Variants in CACNB4 observed in about 807,000 individuals in gnomAD.
CACNB4 encodes the protein voltage-dependent L-type calcium channel subunit beta-4.
In CACNB4, 32 loss-of-function variants were observed where a neutral mutation model predicts 71.2. The observed-to-expected ratio is 0.45, with a 90% CI of 0.34 to 0.60. The LOEUF is 0.60. Ranked by LOEUF, CACNB4 falls within the 20% of genes least tolerant of loss-of-function variation. The probability of loss-of-function intolerance (pLI) is 0.01; values close to 1 mark genes in which losing one functional copy is unlikely to be tolerated. For missense variants in CACNB4, 464 were observed against 647.9 expected (o/e 0.72, Z 3.08); for synonymous variants, 231 against 236.9 (o/e 0.97, Z 0.23).
At chr2:151,981,620 A>T (rs1452729846) in intron 2 of CACNB4, among the ~76,000 whole-genome samples, 5 of 152,108 alleles carry the variant, frequency 3.3e-5, no homozygotes, top group Admixed American at 3.3e-4. Flanking sequence ...TTGGAGAAAC[A>T]CTTATTTACC....
At chr2:152,062,980 G>A (rs888558679) in intron 2 of CACNB4, among the ~76,000 whole-genome samples, 1 of 152,186 alleles carries the variant, frequency 6.6e-6, no homozygotes, top group African/African-American at 2.4e-5. Context: ...CCACGCAGAG[G>A]AGGATCAGCA....
chr2:151,936,996 G>C (rs117642642), intron 2 of CACNB4, among the ~76,000 whole-genome samples: 1 of 152,156 alleles, frequency 6.6e-6, no homozygotes, highest in Non-Finnish European at 1.5e-5. Flanking sequence ...ATTTTTATGC[G>C]TCTCACTGAA....
chr2:151,877,691 C>A (rs1395184223), intron 4 of CACNB4, among the ~76,000 whole-genome samples: 1 of 152,178 alleles, frequency 6.6e-6, no homozygotes, highest in African/African-American at 2.4e-5. Context: ...AAGATGCCTA[C>A]ACTTACAAAG....
chr2:152,092,381 A>T (rs1402304397), intron 2 of CACNB4, among the ~76,000 whole-genome samples: 1 of 152,216 alleles, frequency 6.6e-6, no homozygotes, highest in African/African-American at 2.4e-5. Context: ...AACCCCAAGA[A>T]TTTGTTTGCC....
At chr2:152,006,126 C>T (rs188271553) in intron 2 of CACNB4, among the ~76,000 whole-genome samples, 61 of 152,314 alleles carry the variant, frequency 4.0e-4, no homozygotes, top group Admixed American at 1.0e-3. Context: ...CATATGCCCT[C>T]GACACCACTC....
chr2:151,870,795 A>G (rs1178248654), intron 7 of CACNB4, 47 bp downstream of exon 7: 3 of 1,499,068 alleles, frequency 2.0e-6, no homozygotes, highest in South Asian at 1.2e-5. Context: ...GCAGGCATGT[A>G]TATATAGGAA....
intron 2 of CACNB4, among the ~76,000 whole-genome samples, chr2:151,919,804 C>T (rs961401172): frequency 6.6e-6 from 1 of 152,134 alleles, no homozygotes; most frequent in Non-Finnish European, 1.5e-5. Flanking sequence ...CTGGATCCAC[C>T]TTAAAAGAGG....
intron 12 of CACNB4, among the ~76,000 whole-genome samples, chr2:151,844,856 AT>A (rs2099837123): frequency 6.6e-6 from 1 of 152,222 alleles, no homozygotes; most frequent in South Asian, 2.1e-4. Flanking sequence ...GGTTGTTTAT[AT>A]CATTTTATTT....
intron 2 of CACNB4, among the ~76,000 whole-genome samples, chr2:151,943,669 G>T (rs566831076): frequency 5.6e-4 from 86 of 152,308 alleles, no homozygotes; most frequent in African/African-American, 2.0e-3. Context: ...CCAGTTCTGG[G>T]TGCCTCATAT....
At chr2:152,065,919 A>T (rs536463899) in intron 2 of CACNB4, among the ~76,000 whole-genome samples, 1 of 152,272 alleles carries the variant, frequency 6.6e-6, no homozygotes, top group Non-Finnish European at 1.5e-5. Flanking sequence ...AGGGGGTATA[A>T]TATTTTTAAA....
In CACNB4 at chr2:151,836,126, A is replaced by C. The variant is rs781462518; in HGVS notation, c.*2993T>G. ...AGTGACATTATACCCTTGAGAATTA[A>C]CATCAGGATTGACAAATTGCATTCG... On this transcript the variant is annotated 3_prime_UTR_variant, in exon 14 of 14. Coordinates refer to ENST00000539935, the MANE Select transcript of CACNB4 (RefSeq NM_000726.5). The C allele has an allele frequency of 6.6e-6, 1 of 151,878 alleles. No homozygotes were observed. The highest frequency in any genetic ancestry group is 1.5e-5 in the Non-Finnish European group (1 of 67,750). 9.4% of individuals were successfully genotyped at this position (151,878 alleles called of 1,614,324 possible).
intron 2 of CACNB4, among the ~76,000 whole-genome samples, chr2:151,990,633 C>A (rs1434853982): frequency 6.6e-6 from 1 of 152,154 alleles, no homozygotes; most frequent in African/African-American, 2.4e-5. Context: ...TCTGCAAATT[C>A]TGGGATTAAT....
At position 151,839,370 on chromosome 2, in the gene CACNB4, T is replaced by C; in HGVS notation, c.1312A>G (p.Met438Val). The C allele has an allele frequency of 6.2e-7, 1 of 1,607,474 alleles. No homozygotes were observed. Among genetic ancestry groups the C allele is most frequent in the African/African-American group, 1.3e-5 (1 of 74,840 alleles). ...TAISGLQSQRMRHSNHSTENS... is the reference protein window; with the variant it reads ...TAISGLQSQRVRHSNHSTENS... The stretch of plus-strand genomic sequence containing the variant: ...TCTGTGGAGTGGTTGCTGTGCCTCA[T>C]TCGCTGACTCTAAAAATATCAGATA... The change falls in exon 14 of 14, where the codon ATG becomes GTG. Residue 438 changes from methionine (M) to valine (V), a missense_variant. Coordinates refer to ENST00000539935, the MANE Select transcript of CACNB4 (RefSeq NM_000726.5).
intron 2 of CACNB4, among the ~76,000 whole-genome samples, chr2:151,938,710 TCTC>T (rs1276376275): frequency 6.6e-6 from 1 of 152,192 alleles, no homozygotes; most frequent in African/African-American, 2.4e-5. Flanking sequence ...CTATTCTTCG[TCTC>T]CTCACCAACC....
intron 2 of CACNB4, among the ~76,000 whole-genome samples, chr2:152,083,349 GAA>G (rs1437976303): frequency 3.0e-3 from 298 of 99,728 alleles, no homozygotes; most frequent in African/African-American, 0.017. Context: ...AGGAAGGAAG[GAA>G]GGGAGGAAGG....
At chr2:151,902,488 A>G (rs116521692) in intron 2 of CACNB4, among the ~76,000 whole-genome samples, 2,736 of 152,218 alleles carry the variant, frequency 0.018, 75 homozygotes, top group African/African-American at 0.062. Context: ...TACCTAAACA[A>G]CTAAATGAAA....
At chr2:151,881,342 T>C (rs1362051892) in intron 3 of CACNB4, among the ~76,000 whole-genome samples, 1 of 152,110 alleles carries the variant, frequency 6.6e-6, no homozygotes, top group Non-Finnish European at 1.5e-5. Flanking sequence ...AAAATAGTAT[T>C]TTTTAAATAG....
At chr2:151,962,691 T>C (rs942895295) in intron 2 of CACNB4, among the ~76,000 whole-genome samples, 1 of 152,248 alleles carries the variant, frequency 6.6e-6, no homozygotes, top group African/African-American at 2.4e-5. Flanking sequence ...TTCTCTAGCA[T>C]TGAAATTTTA....
chr2:151,901,351 A>G (rs2099853375), intron 2 of CACNB4, among the ~76,000 whole-genome samples: 3 of 152,094 alleles, frequency 2.0e-5, no homozygotes, highest in Admixed American at 2.0e-4. Context: ...CTATCTTCTG[A>G]TGTTCAGCTG....
Sources: gnomAD v4.1 joint callset for allele counts (sites outside exome capture counted in the v4.1 genomes callset) on GRCh38, gnomAD v4.1.1 for gene constraint, MANE v1.5 for transcripts, NCBI Gene and HGNC (gene_info 2026-07-23, HGNC 2026-07-21) for gene names.